AMZ1: variants seen among roughly 807,000 people sequenced by gnomAD.
AMZ1 encodes the protein archaemetzincin-1.
AMZ1 carries 39 observed loss-of-function variants against 29.9 expected under a neutral mutation model. The ratio of observed to expected loss-of-function variants is 1.30; its 90% CI spans 1.01 to 1.70. AMZ1 has a LOEUF of 1.70. Ranked by LOEUF, AMZ1 falls within the 40% of genes most tolerant of loss-of-function variation. AMZ1 has a pLI of 0.00. For missense variants in AMZ1, 1,041 were observed against 680.6 expected (o/e 1.53, Z -5.89); for synonymous variants, 458 against 304.0 (o/e 1.51, Z -5.27).
downstream of AMZ1, among the ~76,000 whole-genome samples, chr7:2,724,655 A>C (rs1184953705): frequency 6.6e-6 from 1 of 152,104 alleles, no homozygotes; most frequent in African/African-American, 2.4e-5. Context: ...GTTACAACAC[A>C]CATCCGAAAG....
At chr7:2,701,173 G>C (rs1172191004) in intron 2 of AMZ1, among the ~76,000 whole-genome samples, 1 of 152,178 alleles carries the variant, frequency 6.6e-6, no homozygotes, top group Non-Finnish European at 1.5e-5. Flanking sequence ...AGAGGTTGCA[G>C]TGAGCTGAGA....
At chr7:2,726,417 T>C (rs1789618737) in intron 4 of AMZ1, among the ~76,000 whole-genome samples, 3 of 152,150 alleles carry the variant, frequency 2.0e-5, no homozygotes, top group Admixed American at 2.0e-4. Context: ...GCCTGGGACA[T>C]GGAGAAACCT....
In AMZ1 at chr7:2,709,556, T is replaced by G. The variant is rs1170270341; in HGVS notation, c.772-84T>G. 2.6e-5 allele frequency: 40 copies of G among 1,524,074 alleles called. No individual in the cohort carries two copies. In the Admixed American group the frequency reaches 6.7e-4, roughly 26 times the overall value. The allele number at this position is 1,524,074 out of a possible 1,614,324, so 94.4% of individuals were successfully genotyped here. On this transcript the variant is annotated intron_variant, in intron 5 of 6. Transcript: ENST00000683327. ...CATCTGGCCTCACCCAGGTCCTCAT[T>G]TTGGTCCTGCTGGGGCTGCCTGGGG...
intron 4 of AMZ1, among the ~76,000 whole-genome samples, chr7:2,747,588 G>A (rs1043374242): frequency 1.3e-5 from 2 of 152,160 alleles, no homozygotes; most frequent in Non-Finnish European, 1.5e-5. Context: ...AAAACTGGAA[G>A]CATTCCCTTT....
chr7:2,705,822 TTGGCCC>T (rs1325830837), intron 3 of AMZ1, among the ~76,000 whole-genome samples: 2 of 152,216 alleles, frequency 1.3e-5, no homozygotes, highest in Admixed American at 6.5e-5. Context: ...GTGGCCTGCC[TTGGCCC>T]TGGCCCTAAA....
upstream of AMZ1, among the ~76,000 whole-genome samples, chr7:2,764,214 G>A (rs192635254): frequency 0.011 from 1,597 of 151,492 alleles, 15 homozygotes; most frequent in Non-Finnish European, 0.018. Flanking sequence ...CTGGGACCAC[G>A]GGCACGTGCC....
intron 1 of AMZ1, among the ~76,000 whole-genome samples, chr7:2,692,252 C>A (rs549115011): frequency 6.6e-6 from 1 of 151,986 alleles, no homozygotes; most frequent in African/African-American, 2.4e-5. Flanking sequence ...GAAAGAGGAC[C>A]GAGCTTGGCC....
chr7:2,756,995 G>A (rs1002444514), intron 4 of AMZ1, among the ~76,000 whole-genome samples: 1 of 152,172 alleles, frequency 6.6e-6, no homozygotes, highest in Non-Finnish European at 1.5e-5. Context: ...GTTCTCTTGA[G>A]CTGGGGAGTT....
chr7:2,708,444 A>C (rs757474572), intron 3 of AMZ1, 144 bp from the exon 4 acceptor site: 296 of 1,269,260 alleles, frequency 2.3e-4, no homozygotes, highest in Non-Finnish European at 3.1e-4. Flanking sequence ...CCCTCAGGTC[A>C]CACCAAACGC....
chr7:2,741,430 AC>A (rs1263825713), intron 4 of AMZ1, among the ~76,000 whole-genome samples: 1 of 152,202 alleles, frequency 6.6e-6, no homozygotes, highest in Non-Finnish European at 1.5e-5. Flanking sequence ...GGCTTCCACC[AC>A]AGAATCTCTA....
At chr7:2,742,048 G>A (rs4722030) in intron 4 of AMZ1, among the ~76,000 whole-genome samples, 23,740 of 151,310 alleles carry the variant, frequency 0.16, 2,007 homozygotes, top group Non-Finnish European at 0.2. Context: ...TTGAGATGGA[G>A]TCTCACCCTG....
chr7:2,685,650 C>T (rs1246829916), upstream of AMZ1, among the ~76,000 whole-genome samples: 9 of 151,568 alleles, frequency 5.9e-5, no homozygotes, highest in Middle Eastern at 3.4e-3. Context: ...GTCAGGAGAT[C>T]GAGACCATCC....
At chr7:2,709,553 C>A (rs999082925) in intron 5 of AMZ1, 87 bp from the exon 6 acceptor site, 2 of 1,522,906 alleles carry the variant, frequency 1.3e-6, no homozygotes, top group African/African-American at 1.4e-5. Flanking sequence ...CCCAGGTCCT[C>A]ATTTTGGTCC....
chr7:2,739,016 A>C (rs1790361459), intron 4 of AMZ1, among the ~76,000 whole-genome samples: 1 of 152,174 alleles, frequency 6.6e-6, no homozygotes, highest in African/African-American at 2.4e-5. Context: ...GAAGAGCTGC[A>C]CAGGGTCCTT....
intron 3 of AMZ1, 46 bp from the exon 4 acceptor site, chr7:2,708,542 G>T: frequency 6.2e-7 from 1 of 1,606,308 alleles, no homozygotes; most frequent in South Asian, 1.1e-5. Context: ...GAAGATGGGG[G>T]TCCCCGGCTG....
At position 2,696,382 on chromosome 7, in the gene AMZ1, A is replaced by G. The variant is rs553733541; in HGVS notation, c.-218-3852A>G. On this transcript the variant is annotated intron_variant, in intron 1 of 6. Transcript: ENST00000683327. ...CGCCATTCTCCTGCCTCAGCCTCCC[A>G]AGTAGCTGGGACTACAGGCGCCCGC... Among the ~76,000 whole-genome samples, 1,041 of 148,278 alleles carry G rather than the reference A, an allele frequency of 7.0e-3. 16 individuals are homozygous for G. Among genetic ancestry groups the G allele is most frequent in the African/African-American group, 0.023 (944 of 40,266 alleles).
At chr7:2,756,605 T>TCACAAA (rs1554257284) in intron 4 of AMZ1, among the ~76,000 whole-genome samples, 16 of 151,418 alleles carry the variant, frequency 1.1e-4, no homozygotes, top group African/African-American at 3.6e-4. Flanking sequence ...AGACCCTGTC[T>TCACAAA]CAAACAAACA....
At chr7:2,740,442 G>A (rs973169121) in intron 4 of AMZ1, among the ~76,000 whole-genome samples, 14 of 152,266 alleles carry the variant, frequency 9.2e-5, no homozygotes, top group African/African-American at 2.6e-4. Context: ...GTCTGCAAGC[G>A]AGGAAGACAG....
downstream of AMZ1, among the ~76,000 whole-genome samples, chr7:2,720,475 C>T (rs1254036610): frequency 1.3e-5 from 2 of 152,110 alleles, no homozygotes; most frequent in Non-Finnish European, 2.9e-5. Context: ...GCGATCTTGG[C>T]TCACTGCAAC....
Sources: allele counts gnomAD v4.1 joint callset (sites outside exome capture counted in the v4.1 genomes callset), GRCh38; gene constraint gnomAD v4.1.1; transcripts MANE v1.5; gene names NCBI Gene and HGNC (gene_info 2026-07-23, HGNC 2026-07-21).